The following TFEC variants were observed in gnomAD, a reference collection of about 807,000 sequenced individuals.
TFEC encodes transcription factor EC.
Under a neutral mutation model 41.6 loss-of-function variants are expected in TFEC, and 31 were observed. The observed-to-expected ratio is 0.74, with a 90% CI of 0.56 to 1.01. The LOEUF is 1.01. TFEC is among the 50% of genes least tolerant of loss of function. The pLI, the probability that TFEC is intolerant of heterozygous loss-of-function variation, is 0.00. For synonymous variants in TFEC, 143 were observed against 140.6 expected (o/e 1.02, Z -0.12); for missense variants, 402 against 404.1 (o/e 0.99, Z 0.04).
chr7:116,080,335 TAAA>T (rs548353322), intron 3 of TFEC, among the ~76,000 whole-genome samples: 374 of 152,082 alleles, frequency 2.5e-3, no homozygotes, highest in Non-Finnish European at 4.0e-3. Flanking sequence ...TTAATTAAAC[TAAA>T]AAGCTTCTGC....
rs549759179 is a variant in TFEC at position 116,083,007 on chromosome 7, G to A, written c.198+27701C>T. Among the ~76,000 whole-genome samples the A allele has an allele frequency of 5.9e-5, 9 of 151,858 alleles. No individual in the cohort carries two copies. The South Asian group carries it at 8.3e-4, about 14-fold the overall frequency. ...ATATATGGCATAGATACCAAGATAC[G>A]TTATGCTTTTAATAAAGATAATGAA... On this transcript the variant is annotated intron_variant, in intron 3 of 8. Transcript: ENST00000484212.
At chr7:115,962,818 T>A (rs1186533969) in intron 3 of TFEC, among the ~76,000 whole-genome samples, 1 of 151,860 alleles carries the variant, frequency 6.6e-6, no homozygotes, top group Non-Finnish European at 1.5e-5. Flanking sequence ...AAAACAAATC[T>A]TAAACTCAAC....
chr7:116,084,295 G>T (rs369464696), intron 3 of TFEC, among the ~76,000 whole-genome samples: 1 of 151,704 alleles, frequency 6.6e-6, no homozygotes. Context: ...GGTTTTATTC[G>T]AATTTATTTC....
chr7:116,033,087 T>C (rs1315927283), upstream of TFEC, among the ~76,000 whole-genome samples: 1 of 151,756 alleles, frequency 6.6e-6, no homozygotes, highest in African/African-American at 2.4e-5. Flanking sequence ...TTCAGTTAAT[T>C]AATCACGTGA....
At chr7:116,090,488 G>A (rs763603637) in intron 3 of TFEC, among the ~76,000 whole-genome samples, 10 of 151,816 alleles carry the variant, frequency 6.6e-5, no homozygotes, top group Non-Finnish European at 1.5e-4. Flanking sequence ...TTCTTCATTC[G>A]AGACGCCAAG....
At chr7:116,076,768 T>C (rs1282118059) in intron 3 of TFEC, among the ~76,000 whole-genome samples, 1 of 152,084 alleles carries the variant, frequency 6.6e-6, no homozygotes, top group Admixed American at 6.6e-5. Context: ...TCCAAGAAGT[T>C]TGGAACTATG....
rs138376022 is a variant in TFEC at position 115,997,000 on chromosome 7, G to A, written c.-72-12487C>T. ...GGTATCTCTGGACTAGCATGGGGAG[G>A]GGGATCTCATCACCCTGAGGGTGAG... On this transcript the variant is annotated intron_variant, in intron 1 of 7. Transcript: ENST00000265440. 4.1e-3 allele frequency among the ~76,000 whole-genome samples: 622 copies of A among 152,264 alleles called. 6 individuals are homozygous for A. Among genetic ancestry groups the A allele is most frequent in the African/African-American group, 0.014 (587 of 41,566 alleles).
intron 3 of TFEC, among the ~76,000 whole-genome samples, chr7:116,081,114 G>A (rs753153535): frequency 4.6e-5 from 7 of 151,600 alleles, no homozygotes; most frequent in African/African-American, 1.2e-4. Context: ...AAGTACCTCC[G>A]GAATAGAATA....
intron 1 of TFEC, among the ~76,000 whole-genome samples, chr7:116,148,005 G>T (rs766195683): frequency 6.6e-6 from 1 of 152,194 alleles, no homozygotes. Flanking sequence ...GATAAGGGAA[G>T]TAAGATTGAC....
chr7:115,954,079 T>C (rs997438411), intron 5 of TFEC, among the ~76,000 whole-genome samples: 1 of 152,172 alleles, frequency 6.6e-6, no homozygotes, highest in South Asian at 2.1e-4. Context: ...TGACCTGTTA[T>C]CAGAGTCTAA....
chr7:116,027,434 A>G lies in TFEC; in HGVS notation c.-73+3199T>C, dbSNP rs1186024204. On this transcript the variant is annotated intron_variant, in intron 1 of 7. Coordinates refer to ENST00000265440, the MANE Select transcript of TFEC (RefSeq NM_012252.4). ...CCCATCTCTACAAAAAAATACAAAAAAATAAAAAGAAATTAGCTGGATATT... is the reference window on the plus strand; with the variant it reads ...CCCATCTCTACAAAAAAATACAAAAGAATAAAAAGAAATTAGCTGGATATT... Among the ~76,000 whole-genome samples the G allele has an allele frequency of 2.6e-5, 4 of 152,000 alleles. No individual in the cohort carries two copies. The East Asian group carries it at 7.7e-4, about 29-fold the overall frequency.
intron 3 of TFEC, among the ~76,000 whole-genome samples, chr7:116,101,410 G>A (rs1303803537): frequency 6.6e-6 from 1 of 152,050 alleles, no homozygotes; most frequent in South Asian, 2.1e-4. Context: ...AGAAAGAGAA[G>A]GGAATTGCAA....
At chr7:116,112,189 A>C (rs938525770) in intron 1 of TFEC, among the ~76,000 whole-genome samples, 5 of 152,092 alleles carry the variant, frequency 3.3e-5, no homozygotes, top group Admixed American at 2.6e-4. Context: ...CAGGACATAC[A>C]ATAGGAGCAT....
At chr7:116,126,371 T>C (rs976528599) in intron 1 of TFEC, among the ~76,000 whole-genome samples, 7 of 151,922 alleles carry the variant, frequency 4.6e-5, no homozygotes, top group Non-Finnish European at 1.0e-4. Context: ...AAAAGTAAGA[T>C]AGAGGTTCAA....
At chr7:116,003,688 T>C (rs918579059) in intron 1 of TFEC, among the ~76,000 whole-genome samples, 1 of 152,140 alleles carries the variant, frequency 6.6e-6, no homozygotes, top group Admixed American at 6.6e-5. Flanking sequence ...GGATACACAT[T>C]TTTCTCAAGC....
At chr7:116,070,428 G>A (rs1353692404) in intron 3 of TFEC, among the ~76,000 whole-genome samples, 2 of 151,254 alleles carry the variant, frequency 1.3e-5, no homozygotes, top group East Asian at 1.9e-4. Flanking sequence ...TATAAGCAAC[G>A]ACTGAACCAA....
intron 1 of TFEC, among the ~76,000 whole-genome samples, chr7:116,021,780 TG>T (rs1795405040): frequency 6.6e-6 from 1 of 152,182 alleles, no homozygotes; most frequent in Non-Finnish European, 1.5e-5. Flanking sequence ...TTGACTGACT[TG>T]AGCAGTCAAG....
Position 116,013,009 on chromosome 7 carries a change from T to A in TFEC, c.-73+17624A>T, listed in dbSNP as rs1403612961. ...TAGTCTAACCATTTTCTAAAGAATA[T>A]GATTGGGGCATTTTAGGTAGTTAAA... On this transcript the variant is annotated intron_variant, in intron 1 of 7. Coordinates refer to ENST00000265440, the MANE Select transcript of TFEC (RefSeq NM_012252.4). Among the ~76,000 whole-genome samples the A allele has an allele frequency of 2.6e-5, 4 of 152,156 alleles. No homozygotes were observed. The East Asian group carries it at 7.7e-4, about 29-fold the overall frequency.
intron 1 of TFEC, among the ~76,000 whole-genome samples, chr7:116,005,820 G>GA (rs949140533): frequency 1.3e-5 from 2 of 152,092 alleles, no homozygotes; most frequent in African/African-American, 2.4e-5. Flanking sequence ...GGTTTCTGAG[G>GA]AAAAAATGGT....
Sources: gnomAD v4.1 joint callset for allele counts (sites outside exome capture counted in the v4.1 genomes callset) on GRCh38, gnomAD v4.1.1 for gene constraint, MANE v1.5 for transcripts, NCBI Gene and HGNC (gene_info 2026-07-23, HGNC 2026-07-21) for gene names.